The following PARD3B variants were observed in gnomAD, a reference collection of about 807,000 sequenced individuals.
The protein encoded by PARD3B is par-3 family cell polarity regulator beta.
In PARD3B, 103 loss-of-function variants were observed where a neutral mutation model predicts 130.2. That is an observed-to-expected ratio of 0.79 (90% CI 0.67 to 0.93). The LOEUF (loss-of-function observed/expected upper bound fraction) is 0.93. Among genes scored for constraint, PARD3B ranks in the 40% least tolerant of loss-of-function variants. The probability of loss-of-function intolerance (pLI) is 0.00; values close to 1 mark genes in which losing one functional copy is unlikely to be tolerated. For synonymous variants in PARD3B, 583 were observed against 553.2 expected (o/e 1.05, Z -0.76); for missense variants, 1,609 against 1,499.2 (o/e 1.07, Z -1.21).
At chr2:204,697,006 C>T (rs932011837) in intron 2 of PARD3B, among the ~76,000 whole-genome samples, 50 of 152,018 alleles carry the variant, frequency 3.3e-4, no homozygotes, top group African/African-American at 1.2e-3. Context: ...TACTTAACTA[C>T]AAACAGACCA....
rs184644468 is a variant in PARD3B at position 205,057,309 on chromosome 2, G to A, written c.504+9619G>A. Among the ~76,000 whole-genome samples, 42 of 144,954 alleles carry A rather than the reference G, an allele frequency of 2.9e-4. 1 individual carries two copies. In the East Asian group the frequency reaches 6.5e-3, roughly 22 times the overall value. On this transcript the variant is annotated intron_variant, in intron 4 of 22. Transcript: ENST00000406610. ...TATACATATATACATGTATGTATTC[G>A]TATATGTATGTTATATATGTATATG...
intron 1 of PARD3B, among the ~76,000 whole-genome samples, chr2:204,632,977 T>C (rs2034741676): frequency 6.6e-6 from 1 of 152,212 alleles, no homozygotes; most frequent in Non-Finnish European, 1.5e-5. Context: ...TATCCATGCA[T>C]GTGCTGATGG....
At chr2:205,113,399 T>G (rs1188614524) in intron 5 of PARD3B, 92 bp from the exon 6 acceptor site, 50 of 494,740 alleles carry the variant, frequency 1.0e-4, no homozygotes, top group East Asian at 1.6e-4. Context: ...CAGGGGTGTG[T>G]GTGTGTGTGT....
At chr2:205,052,861 T>G (rs1367789302) in intron 4 of PARD3B, among the ~76,000 whole-genome samples, 1 of 152,136 alleles carries the variant, frequency 6.6e-6, no homozygotes, top group Non-Finnish European at 1.5e-5. Flanking sequence ...AAAATAACTC[T>G]TTAGTCAGTA....
At chr2:204,772,449 C>G (rs1465366566) in intron 2 of PARD3B, among the ~76,000 whole-genome samples, 1 of 152,056 alleles carries the variant, frequency 6.6e-6, no homozygotes, top group African/African-American at 2.4e-5. Flanking sequence ...GGATCCTGAA[C>G]TGTAATTAAC....
At chr2:205,414,945 A>T (rs1418864442) in intron 19 of PARD3B, among the ~76,000 whole-genome samples, 3 of 149,284 alleles carry the variant, frequency 2.0e-5, no homozygotes, top group Admixed American at 2.0e-4. Flanking sequence ...ACTTTGTTTT[A>T]AAAAAAAACA....
chr2:205,505,307 G>A (rs2050316243), intron 21 of PARD3B, among the ~76,000 whole-genome samples: 1 of 152,082 alleles, frequency 6.6e-6, no homozygotes, highest in Admixed American at 6.6e-5. Flanking sequence ...GAGTTGCTGG[G>A]TGCAGCACAC....
chr2:205,044,122 C>G (rs968371744), intron 3 of PARD3B, among the ~76,000 whole-genome samples: 1 of 151,986 alleles, frequency 6.6e-6, no homozygotes, highest in African/African-American at 2.4e-5. Flanking sequence ...CATGTCCCTA[C>G]AAAGGACATG....
rs867968958 is a variant in PARD3B, at chr2:204,941,092, A to T, written c.223-24060A>T. ...TGATAAACCTTGGTGTTTGTTATAT[A>T]TATAAATTTCATATGTGTGAATGCA... On this transcript the variant is annotated intron_variant, in intron 2 of 22. Transcript: ENST00000406610. Among the ~76,000 whole-genome samples the T allele has an allele frequency of 1.2e-4, 18 of 152,324 alleles. No homozygotes were observed. In the Middle Eastern group the frequency reaches 0.014, roughly 115 times the overall value.
At chr2:205,356,040 T>C (rs1574791081) in intron 18 of PARD3B, among the ~76,000 whole-genome samples, 1 of 152,174 alleles carries the variant, frequency 6.6e-6, no homozygotes, top group East Asian at 1.9e-4. Flanking sequence ...ACACAAAACC[T>C]AACCATATCA....
intron 18 of PARD3B, among the ~76,000 whole-genome samples, chr2:205,313,733 T>C (rs540053075): frequency 6.6e-6 from 1 of 152,316 alleles, no homozygotes; most frequent in Admixed American, 6.5e-5. Context: ...ATTACTTTTC[T>C]TGGATAATGA....
At chr2:204,808,787 G>T (rs1191686230) in intron 2 of PARD3B, among the ~76,000 whole-genome samples, 1 of 152,092 alleles carries the variant, frequency 6.6e-6, no homozygotes, top group East Asian at 1.9e-4. Context: ...GTGTTGCAAA[G>T]AACACATACA....
intron 4 of PARD3B, among the ~76,000 whole-genome samples, chr2:205,088,685 T>A (rs1701894053): frequency 6.6e-6 from 1 of 152,202 alleles, no homozygotes; most frequent in African/African-American, 2.4e-5. Context: ...TTCTATTCCT[T>A]TGTATGTCTT....
chr2:205,108,359 G>A (rs1439248880), intron 5 of PARD3B, among the ~76,000 whole-genome samples: 1 of 152,030 alleles, frequency 6.6e-6, no homozygotes, highest in African/African-American at 2.4e-5. Context: ...TGCAAATTAA[G>A]TATAAATTTG....
intron 1 of PARD3B, among the ~76,000 whole-genome samples, chr2:204,621,512 G>T (rs2034301650): frequency 6.6e-6 from 1 of 152,154 alleles, no homozygotes; most frequent in African/African-American, 2.4e-5. Context: ...CATAGCTTGG[G>T]AATGGAGAAG....
chr2:204,779,309 G>A (rs1450205930), intron 2 of PARD3B, among the ~76,000 whole-genome samples: 2 of 152,060 alleles, frequency 1.3e-5, no homozygotes, highest in Admixed American at 6.6e-5. Flanking sequence ...CAAGTCCTCA[G>A]TGCAGTGTCT....
intron 3 of PARD3B, among the ~76,000 whole-genome samples, chr2:204,972,428 T>C (rs1442397155): frequency 6.6e-6 from 1 of 152,182 alleles, no homozygotes; most frequent in African/African-American, 2.4e-5. Flanking sequence ...ATTTTCATTT[T>C]TTTGTTTTAT....
intron 19 of PARD3B, among the ~76,000 whole-genome samples, chr2:205,414,881 A>T (rs2046721609): frequency 6.6e-6 from 1 of 151,904 alleles, no homozygotes; most frequent in Non-Finnish European, 1.5e-5. Context: ...ATGCACCTTT[A>T]AAAAAAAGTA....
chr2:205,580,850 T>C (rs2053938557), intron 22 of PARD3B, among the ~76,000 whole-genome samples: 3 of 152,160 alleles, frequency 2.0e-5, no homozygotes, highest in Admixed American at 2.0e-4. Context: ...CTCTCCTTGA[T>C]GAAACAATAA....
Sources: allele counts gnomAD v4.1 joint callset (sites outside exome capture counted in the v4.1 genomes callset), GRCh38; gene constraint gnomAD v4.1.1; transcripts MANE v1.5; gene names NCBI Gene and HGNC (gene_info 2026-07-23, HGNC 2026-07-21).